ICA1L: variants seen among roughly 807,000 people sequenced by gnomAD.
The protein encoded by ICA1L is islet cell autoantigen 1 like.
A neutral mutation model predicts 61.3 loss-of-function variants in ICA1L; 50 were observed. That is an observed-to-expected ratio of 0.82 (90% confidence interval 0.65 to 1.03). The LOEUF is 1.03. Among genes scored for constraint, ICA1L ranks in the 50% least tolerant of loss-of-function variants. The pLI is 0.00. For missense variants in ICA1L, 508 were observed against 556.7 expected (o/e 0.91, Z 0.88); for synonymous variants, 161 against 191.3 (o/e 0.84, Z 1.31).
At chr2:202,856,991 C>T (rs1694785875) in intron 1 of ICA1L, among the ~76,000 whole-genome samples, 2 of 152,170 alleles carry the variant, frequency 1.3e-5, no homozygotes, top group South Asian at 4.1e-4. Flanking sequence ...AGGATACAAA[C>T]AAATGCAAAG....
At position 202,774,113 on chromosome 2, in the gene ICA1L, G is replaced by A; in HGVS notation, c.*5420C>T. The A allele has an allele frequency of 8.0e-7, 1 of 1,243,264 alleles. No homozygotes were observed. 77.0% of individuals were successfully genotyped at this position (1,243,264 alleles called of 1,614,324 possible). ...AGGAATCCCATCAATGATTGGATAA[G>A]CTATTCTCAACTCTTCATTAATCAA... On this transcript the variant is annotated 3_prime_UTR_variant, in exon 13 of 13. Coordinates refer to ENST00000358299, the MANE Select transcript of ICA1L (RefSeq NM_001288622.3).
intron 1 of ICA1L, among the ~76,000 whole-genome samples, chr2:202,868,253 T>C (rs937774217): frequency 6.6e-6 from 1 of 152,142 alleles, no homozygotes; most frequent in Non-Finnish European, 1.5e-5. Flanking sequence ...AGAGCAGGAA[T>C]GAATTCTCAA....
At chr2:202,828,411 T>C (rs1176390408) in intron 2 of ICA1L, among the ~76,000 whole-genome samples, 1 of 152,192 alleles carries the variant, frequency 6.6e-6, no homozygotes, top group East Asian at 1.9e-4. Context: ...TTAGGAAATA[T>C]TTCAATAACT....
intron 1 of ICA1L, among the ~76,000 whole-genome samples, chr2:202,845,593 C>T (rs1232357815): frequency 6.7e-6 from 1 of 150,216 alleles, no homozygotes; most frequent in African/African-American, 2.5e-5. Flanking sequence ...CGCCATTGCA[C>T]TCAAGCCTGG....
intron 9 of ICA1L, among the ~76,000 whole-genome samples, chr2:202,810,572 T>A (rs1368020263): frequency 6.6e-6 from 1 of 152,162 alleles, no homozygotes; most frequent in Non-Finnish European, 1.5e-5. Flanking sequence ...TTGTAGAGCA[T>A]GTGTGTTTGA....
At chr2:202,858,612 A>G (rs188709436) in intron 1 of ICA1L, among the ~76,000 whole-genome samples, 1 of 152,360 alleles carries the variant, frequency 6.6e-6, no homozygotes, top group East Asian at 1.9e-4. Context: ...TGTTCTGCAC[A>G]TGTATCCCAG....
At chr2:202,798,390 C>A (rs557055303) in intron 9 of ICA1L, among the ~76,000 whole-genome samples, 1 of 152,210 alleles carries the variant, frequency 6.6e-6, no homozygotes, top group African/African-American at 2.4e-5. Flanking sequence ...AGGTGTGTGT[C>A]ACCATACCTG....
chr2:202,823,725 C>A (rs1395350461), intron 3 of ICA1L, among the ~76,000 whole-genome samples: 1 of 152,154 alleles, frequency 6.6e-6, no homozygotes, highest in Non-Finnish European at 1.5e-5. Flanking sequence ...TACCTCAATT[C>A]CTGTCTATGG....
intron 1 of ICA1L, among the ~76,000 whole-genome samples, chr2:202,856,186 T>C (rs754190256): frequency 7.3e-5 from 11 of 151,228 alleles, no homozygotes; most frequent in Non-Finnish European, 1.5e-4. Flanking sequence ...AAGAAGAAAA[T>C]TTCAGGCCAA....
intron 1 of ICA1L, among the ~76,000 whole-genome samples, chr2:202,861,910 A>C (rs1694927410): frequency 1.3e-5 from 2 of 148,616 alleles, no homozygotes; most frequent in Admixed American, 1.3e-4. Context: ...AAAAAAGTGA[A>C]ACCATGAAAG....
intron 8 of ICA1L, 74 bp from the exon 9 acceptor site, chr2:202,811,863 T>C: frequency 1.8e-6 from 2 of 1,099,042 alleles, no homozygotes; most frequent in South Asian, 1.3e-5. Context: ...CAAACAGTTT[T>C]ATATGGTTAA....
intron 10 of ICA1L, among the ~76,000 whole-genome samples, chr2:202,789,537 G>A (rs1230784968): frequency 6.6e-6 from 1 of 152,108 alleles, no homozygotes; most frequent in African/African-American, 2.4e-5. Context: ...CATTGAAAAT[G>A]TACAAAAGTT....
chr2:202,860,726 T>G (rs1463900388), intron 1 of ICA1L, among the ~76,000 whole-genome samples: 2 of 151,640 alleles, frequency 1.3e-5, no homozygotes, highest in Non-Finnish European at 2.9e-5. Context: ...CACTGTAGCT[T>G]AGGCAAGGGA....
At chr2:202,841,393 T>G in intron 1 of ICA1L, 1 of 1,087,266 alleles carries the variant, frequency 9.2e-7, no homozygotes, top group Non-Finnish European at 1.4e-6. Flanking sequence ...TAAGCCATCT[T>G]CTGCTGCTGC....
At chr2:202,799,032 A>G (rs2105832238) in intron 9 of ICA1L, among the ~76,000 whole-genome samples, 1 of 152,302 alleles carries the variant, frequency 6.6e-6, no homozygotes, top group South Asian at 2.1e-4. Context: ...ATTGATGGAC[A>G]CTTAGGGTTG....
At chr2:202,846,280 C>T (rs1418182650) in intron 1 of ICA1L, among the ~76,000 whole-genome samples, 1 of 151,128 alleles carries the variant, frequency 6.6e-6, no homozygotes, top group African/African-American at 2.4e-5. Flanking sequence ...CAAGATCTTG[C>T]TCTGTTGCCT....
chr2:202,863,896 G>A (rs911795379), intron 1 of ICA1L, among the ~76,000 whole-genome samples: 1 of 150,918 alleles, frequency 6.6e-6, no homozygotes, highest in Non-Finnish European at 1.5e-5. Flanking sequence ...ATTAAGAAAG[G>A]TATATTTTTA....
rs1692188000 is a variant in ICA1L, at chr2:202,775,307, TAA to T, written c.*4224_*4225del. 1 of 152,174 alleles carries T rather than the reference TAA, an allele frequency of 6.6e-6. No individual in the cohort carries two copies. Among genetic ancestry groups the T allele is most frequent in the African/African-American group, 2.4e-5 (1 of 41,450 alleles). 9.4% of individuals were successfully genotyped at this position (152,174 alleles called of 1,614,324 possible). A position where few individuals can be genotyped will look rare whatever the true frequency, so the allele number is the denominator to read the frequency against. ...CTGCCAACACTATGGAAGACAAAAA[TAA>T]CTGAATCAATTCTGGCTCTCTTCTT... On this transcript the variant is annotated 3_prime_UTR_variant, in exon 13 of 13. Transcript: ENST00000358299.
chr2:202,860,431 G>C (rs1009715108), intron 1 of ICA1L, among the ~76,000 whole-genome samples: 2 of 152,020 alleles, frequency 1.3e-5, no homozygotes, highest in Non-Finnish European at 2.9e-5. Flanking sequence ...GGATAGACAA[G>C]TACAACCCAA....
Sources: allele counts gnomAD v4.1 joint callset (sites outside exome capture counted in the v4.1 genomes callset), GRCh38; gene constraint gnomAD v4.1.1; transcripts MANE v1.5; gene names NCBI Gene and HGNC (gene_info 2026-07-23, HGNC 2026-07-21).